Variants in NADK observed in about 807,000 individuals in gnomAD.
The protein encoded by NADK is poly(P)/ATP NAD kinase.
In NADK, 22 loss-of-function variants were observed where a neutral mutation model predicts 49.8. The ratio of observed to expected loss-of-function variants is 0.44; its 90% confidence interval spans 0.32 to 0.63. NADK has a LOEUF of 0.63. Among genes scored for constraint, NADK ranks in the 30% least tolerant of loss-of-function variants. The probability of loss-of-function intolerance (pLI) is 0.06; values close to 1 mark genes in which losing one functional copy is unlikely to be tolerated. For missense variants in NADK, 438 were observed against 609.4 expected (o/e 0.72, Z 2.96); for synonymous variants, 268 against 253.7 (o/e 1.06, Z -0.54).
chr1:1,765,045 A>C (rs1021029668), intron 2 of NADK, among the ~76,000 whole-genome samples, 183 bp downstream of exon 2: 2 of 152,256 alleles, frequency 1.3e-5, no homozygotes, highest in African/African-American at 4.8e-5. Flanking sequence ...AACGTGCGCC[A>C]GGCAGGTGTC....
intron 6 of NADK, 109 bp from the exon 7 acceptor site, chr1:1,755,585 G>C (rs954742839): frequency 6.1e-6 from 5 of 815,494 alleles, no homozygotes; most frequent in Non-Finnish European, 6.2e-6. Context: ...ACAGCACCCC[G>C]ACCCTCTGCA....
At chr1:1,770,100 A>G (rs1362965096) in intron 1 of NADK, among the ~76,000 whole-genome samples, 1 of 151,950 alleles carries the variant, frequency 6.6e-6, no homozygotes, top group East Asian at 1.9e-4. Flanking sequence ...GCTGGAACCT[A>G]TGAGGTGGAG....
chr1:1,757,148 A>ACCCCCCCCCC, intron 4 of NADK, 33 bp downstream of exon 4: 1 of 859,184 alleles, frequency 1.2e-6, no homozygotes, highest in Non-Finnish European at 1.8e-6. Flanking sequence ...CTCCATGTGC[A>ACCCCCCCCCC]CCCCAGGCCC....
intron 1 of NADK, among the ~76,000 whole-genome samples, chr1:1,777,028 T>C (rs945377893): frequency 6.6e-6 from 1 of 152,156 alleles, no homozygotes; most frequent in African/African-American, 2.4e-5. Context: ...CAGTGAGCTA[T>C]AATCATGCCA....
At chr1:1,773,579 C>T (rs990312997) in intron 1 of NADK, among the ~76,000 whole-genome samples, 1 of 151,448 alleles carries the variant, frequency 6.6e-6, no homozygotes, top group Non-Finnish European at 1.5e-5. Flanking sequence ...AGCAAGACCC[C>T]GTCTCTACAA....
intron 1 of NADK, among the ~76,000 whole-genome samples, chr1:1,766,783 T>C (rs1343909532): frequency 1.3e-5 from 2 of 151,954 alleles, no homozygotes; most frequent in African/African-American, 2.4e-5. Context: ...TTTTTTTCCT[T>C]TGGTAGAGAC....
At chr1:1,758,948 G>A (rs538067523) in intron 3 of NADK, among the ~76,000 whole-genome samples, 18 of 152,210 alleles carry the variant, frequency 1.2e-4, no homozygotes, top group Non-Finnish European at 2.1e-4. Flanking sequence ...CAGGTGGAAG[G>A]GCGTTCCCTG....
At chr1:1,760,079 C>T (rs1052497291) in intron 3 of NADK, among the ~76,000 whole-genome samples, 44 of 152,184 alleles carry the variant, frequency 2.9e-4, no homozygotes, top group African/African-American at 7.7e-4. Context: ...GGTGAGGCCG[C>T]GGCGAGTGGT....
rs1645464745 is a variant in NADK, at chr1:1,754,966, T to C, written c.689-268A>G. ...CCTCCCAAGTAGCTGGAACTACGGG[T>C]GCGCACCACCACGCCCAGCTAATTT... is the stretch of plus-strand genomic sequence containing the variant. On this transcript the variant is annotated intron_variant, in intron 7 of 11. Coordinates refer to ENST00000341426, the MANE Select transcript of NADK (RefSeq NM_023018.5). The surrounding 1 kb of genome is among the most constrained non-coding windows in gnomAD (Gnocchi z 4.3). The C allele has an allele frequency of 2.2e-6, 1 of 455,192 alleles. No homozygotes were observed. The highest frequency in any genetic ancestry group is 2.8e-5 in the South Asian group (1 of 36,138). 28.2% of individuals were successfully genotyped at this position (455,192 alleles called of 1,614,324 possible).
intron 4 of NADK, 117 bp from the exon 5 acceptor site, chr1:1,756,725 C>T: frequency 6.5e-7 from 1 of 1,549,532 alleles, no homozygotes; most frequent in Non-Finnish European, 8.8e-7. Context: ...GCATGCCCGC[C>T]CCCCCACGCT....
At chr1:1,766,063 T>C (rs1365689028) in intron 1 of NADK, among the ~76,000 whole-genome samples, 2 of 150,162 alleles carry the variant, frequency 1.3e-5, no homozygotes, top group Non-Finnish European at 3.0e-5. Context: ...AGGCCAGGGG[T>C]TCAAGACCAC....
rs200420480 is a variant in NADK at position 1,754,425 on chromosome 1, C to T, written c.844-42G>A. 3.3e-5 allele frequency: 53 copies of T among 1,609,688 alleles called. 1 individual carries two copies. In the East Asian group the frequency reaches 8.0e-4, roughly 24 times the overall value. On this transcript the variant is annotated intron_variant, in intron 8 of 11. Coordinates refer to ENST00000341426, the MANE Select transcript of NADK (RefSeq NM_023018.5). This position sits in a 1 kb window ranked among gnomAD's most constrained non-coding sequence, Gnocchi z 4.3. ...ATTGCACACTCAGGGCGGGGGATGC[C>T]GCACGGCTCGCAGACACCCTCCGTC... is the stretch of plus-strand genomic sequence containing the variant.
intron 2 of NADK, among the ~76,000 whole-genome samples, chr1:1,763,315 C>T (rs1645785730): frequency 6.6e-6 from 1 of 152,130 alleles, no homozygotes; most frequent in South Asian, 2.1e-4. Context: ...AACCCTGTCT[C>T]TACACAAAAA....
chr1:1,753,795 C>G (rs1304288783), intron 10 of NADK, 146 bp from the exon 11 acceptor site: 23 of 823,496 alleles, frequency 2.8e-5, no homozygotes, highest in Non-Finnish European at 4.4e-5. Flanking sequence ...CTACAGGCAC[C>G]GGCCCAGCTC....
At chr1:1,775,282 A>G (rs904340487) in intron 1 of NADK, among the ~76,000 whole-genome samples, 1 of 152,176 alleles carries the variant, frequency 6.6e-6, no homozygotes, top group South Asian at 2.1e-4. Context: ...AAATACAAAC[A>G]TAATACACGA....
At chr1:1,761,636 G>A (rs1645727847) in intron 3 of NADK, 1 of 296,306 alleles carries the variant, frequency 3.4e-6, no homozygotes, top group Admixed American at 4.1e-5. Flanking sequence ...ACACCCACGG[G>A]CTGTGACCCG....
In NADK at chr1:1,754,574, C is replaced by T; in HGVS notation, c.813G>A (p.Met271Ile). The T allele has an allele frequency of 3.7e-6, 6 of 1,613,200 alleles. No individual in the cohort carries two copies. The highest frequency in any genetic ancestry group is 5.1e-6 in the Non-Finnish European group (6 of 1,179,654). ...ENGSQAAGLD[M>I]DVGKQAMQYQ... Reference sequence around the variant, plus strand: ...ACTGCATGGCCTGCTTCCCGACATCCATGTCCAGGCCTGCAGCCTGCGAGC... The same window carrying T: ...ACTGCATGGCCTGCTTCCCGACATCTATGTCCAGGCCTGCAGCCTGCGAGC... The change falls in exon 8 of 12, where the codon ATG becomes ATA. Residue 271 changes from methionine to isoleucine, a missense_variant. Transcript: ENST00000341426. This position sits in a 1 kb window ranked among gnomAD's most constrained non-coding sequence, Gnocchi z 4.3.
In NADK at chr1:1,752,200, AAG is replaced by A. The variant is rs564505751; in HGVS notation, c.*702_*703del. ...TACATCAGCACTTCAGAAAGTTTAA[AAG>A]AGTCTCTAAAAAGTATATACAGGAT... On this transcript the variant is annotated 3_prime_UTR_variant, in exon 12 of 12. Coordinates refer to ENST00000341426, the MANE Select transcript of NADK (RefSeq NM_023018.5). 4.4e-4 allele frequency: 67 copies of A among 152,730 alleles called. No individual in the cohort carries two copies. Among genetic ancestry groups the A allele is most frequent in the African/African-American group, 1.5e-3 (64 of 41,582 alleles). 9.5% of individuals were successfully genotyped at this position (152,730 alleles called of 1,614,324 possible). A position where few individuals can be genotyped will look rare whatever the true frequency, so the allele number is the denominator to read the frequency against.
At chr1:1,774,064 G>A (rs1646136481) in intron 1 of NADK, among the ~76,000 whole-genome samples, 1 of 151,816 alleles carries the variant, frequency 6.6e-6, no homozygotes. Context: ...TATTTGCGAA[G>A]ATCAATTTGA....
Sources: gnomAD v4.1 joint callset for allele counts (sites outside exome capture counted in the v4.1 genomes callset) on GRCh38, gnomAD v4.1.1 for gene constraint, Gnocchi (gnomAD v3.1) non-coding constraint, MANE v1.5 for transcripts, NCBI Gene and HGNC (gene_info 2026-07-23, HGNC 2026-07-21) for gene names.